OGA: variants seen among roughly 807,000 people sequenced by gnomAD.
OGA encodes the protein protein O-GlcNAcase.
In OGA, 21 loss-of-function variants were observed where a neutral mutation model predicts 102.0. The ratio of observed to expected loss-of-function variants is 0.21; its 90% CI spans 0.15 to 0.30. OGA has a LOEUF of 0.30. Among genes scored for constraint, OGA ranks in the 10% least tolerant of loss-of-function variants. The probability of loss-of-function intolerance (pLI) is 1.00; values close to 1 mark genes in which losing one functional copy is unlikely to be tolerated. For missense variants in OGA, 765 were observed against 1,107.8 expected (o/e 0.69, Z 4.39); for synonymous variants, 408 against 378.2 (o/e 1.08, Z -0.91).
chr10:101,796,280 A>G (rs2065315182), intron 10 of OGA, among the ~76,000 whole-genome samples: 1 of 152,030 alleles, frequency 6.6e-6, no homozygotes, highest in Admixed American at 6.6e-5. Context: ...CCAGCCCCAC[A>G]AGATGAAGTC....
rs1435563035 is a variant in OGA at position 101,799,218 on chromosome 10, T to C, written c.1433A>G (p.Lys478Arg). ...VVEKQEETDH[K>R]NDNQILSEIV... is the part of the protein sequence containing the mutation. ...TTCACTCAGTATTTGATTGTCATTC[T>C]TGTGGTCCGTTTCTTCTTGTTTTTC... Residue 478 changes from lysine to arginine, a missense_variant, in exon 9 of 16, where the codon AAG becomes AGG. By Grantham distance (26) the Lys-to-Arg change is conservative. Around this residue, in one of 7 missense-constraint regions of OGA, gnomAD observed 281 missense variants for 345.8 expected, o/e 0.81. Coordinates refer to ENST00000361464, the MANE Select transcript of OGA (RefSeq NM_012215.5). The C allele has an allele frequency of 3.1e-6, 5 of 1,614,132 alleles. No individual in the cohort carries two copies. In the African/African-American group the frequency reaches 4.0e-5, roughly 13 times the overall value.
intron 3 of OGA, 120 bp downstream of exon 3, chr10:101,812,910 G>A (rs1221576427): frequency 6.0e-6 from 5 of 837,894 alleles, no homozygotes; most frequent in African/African-American, 1.7e-5. Context: ...CCAGATAGAA[G>A]AAAAGGAAAC....
intron 7 of OGA, among the ~76,000 whole-genome samples, chr10:101,800,976 T>C (rs1257032394): frequency 1.3e-5 from 2 of 151,994 alleles, no homozygotes; most frequent in African/African-American, 4.8e-5. Flanking sequence ...GGTTTCACCA[T>C]GTTGGCCAGA....
chr10:101,792,749 G>A (rs2065273754), intron 12 of OGA, 90 bp downstream of exon 12: 1 of 876,282 alleles, frequency 1.1e-6, no homozygotes, highest in South Asian at 1.8e-5. Flanking sequence ...TTTTAAGACA[G>A]AAGGATTCCT....
At chr10:101,811,149 G>C (rs2065549470) in intron 3 of OGA, among the ~76,000 whole-genome samples, 1 of 151,962 alleles carries the variant, frequency 6.6e-6, no homozygotes, top group Non-Finnish European at 1.5e-5. Context: ...CAGGACTTTG[G>C]GAGGCCAGGC....
intron 4 of OGA, among the ~76,000 whole-genome samples, chr10:101,808,553 A>G (rs573635692): frequency 3.3e-5 from 5 of 152,362 alleles, no homozygotes; most frequent in African/African-American, 9.6e-5. Context: ...AAATAGTAAA[A>G]TAACTTCATT....
In OGA at chr10:101,794,137, T is replaced by C. The variant is rs569764398; in HGVS notation, c.1985-139A>G. 12 of 540,732 alleles carry C rather than the reference T, an allele frequency of 2.2e-5. No individual in the cohort carries two copies. The African/African-American group carries it at 2.3e-4, about 10-fold the overall frequency. 33.5% of individuals were successfully genotyped at this position (540,732 alleles called of 1,614,324 possible). On this transcript the variant is annotated intron_variant, in intron 10 of 15. Transcript: ENST00000361464. ...GGGTTTCAGGGCAAGGCTATGATAATAATTATTATTTTTTAAAATGTTAAC... is the reference window on the plus strand; with the variant it reads ...GGGTTTCAGGGCAAGGCTATGATAACAATTATTATTTTTTAAAATGTTAAC...
intron 14 of OGA, chr10:101,787,755 ACG>A: frequency 9.6e-6 from 4 of 416,166 alleles, no homozygotes; most frequent in East Asian, 4.1e-5. Context: ...CCTCGCGTGC[ACG>A]CGCTCTCTCT....
chr10:101,792,767 G>A, intron 12 of OGA, 72 bp downstream of exon 12: 2 of 1,046,266 alleles, frequency 1.9e-6, no homozygotes, highest in East Asian at 2.4e-5. Flanking sequence ...CCTTTAACCA[G>A]TGAGTTAAAA....
chr10:101,801,963 G>T (rs1217567922), intron 7 of OGA, among the ~76,000 whole-genome samples: 2 of 152,004 alleles, frequency 1.3e-5, no homozygotes, highest in African/African-American at 2.4e-5. Flanking sequence ...TGACCAACAT[G>T]GTGAAACCCT....
At chr10:101,815,354 A>G (rs1374467116) in intron 1 of OGA, among the ~76,000 whole-genome samples, 1 of 151,982 alleles carries the variant, frequency 6.6e-6, no homozygotes, top group African/African-American at 2.4e-5. Context: ...TCTCGGCTCA[A>G]TGCAATCTAC....
intron 3 of OGA, among the ~76,000 whole-genome samples, chr10:101,810,847 G>A (rs1171909578): frequency 6.6e-6 from 1 of 152,156 alleles, no homozygotes; most frequent in Non-Finnish European, 1.5e-5. Context: ...GGGATTACAG[G>A]CATACCCGGC....
chr10:101,796,691 C>T (rs2065320901), intron 10 of OGA, among the ~76,000 whole-genome samples: 1 of 152,128 alleles, frequency 6.6e-6, no homozygotes, highest in South Asian at 2.1e-4. Context: ...CTGCCTCAGC[C>T]TCTCAAGTAG....
At chr10:101,793,314 G>A (rs1479432917) in intron 11 of OGA, among the ~76,000 whole-genome samples, 2 of 152,186 alleles carry the variant, frequency 1.3e-5, no homozygotes, top group African/African-American at 4.8e-5. Context: ...CAGGAGGAGA[G>A]GTTTGGTCTG....
intron 12 of OGA, among the ~76,000 whole-genome samples, chr10:101,791,853 C>T (rs952375230): frequency 6.7e-6 from 1 of 148,882 alleles, no homozygotes; most frequent in South Asian, 2.1e-4. Context: ...TTTTTTGAGA[C>T]GGAGTCTCTG....
At chr10:101,801,217 C>G (rs1242479443) in intron 7 of OGA, among the ~76,000 whole-genome samples, 1 of 151,538 alleles carries the variant, frequency 6.6e-6, no homozygotes, top group East Asian at 1.9e-4. Context: ...ATGGTAAAAC[C>G]CCATCTCTAC....
intron 9 of OGA, 140 bp downstream of exon 9, chr10:101,798,702 T>C: frequency 8.9e-7 from 1 of 1,122,518 alleles, no homozygotes; most frequent in Admixed American, 2.8e-5. Flanking sequence ...GCATGAGCCA[T>C]CATAACCGGC....
Position 101,806,142 on chromosome 10 carries a change from T to C in OGA, c.654A>G (p.Glu218=). The C allele has an allele frequency of 6.4e-7, 1 of 1,573,756 alleles. No homozygotes were observed. The highest frequency in any genetic ancestry group is 8.7e-7 in the Non-Finnish European group (1 of 1,143,732). The part of the protein sequence containing the change: ...EPETFLFCPT[E]YCGTFCYPNV... ...TTGGATAACAGAAAGTGCCACAGTA[T>C]TCTAAATGTAGGGAGAAAAGTAAAA... is the stretch of plus-strand genomic sequence containing the variant. The change falls in exon 6 of 16, where the codon GAA becomes GAG. Residue 218 remains glutamate (E), a splice_region_variant and synonymous_variant. Coordinates refer to ENST00000361464, the MANE Select transcript of OGA (RefSeq NM_012215.5).
chr10:101,794,036 A>G (rs766282321), intron 10 of OGA, 38 bp from the exon 11 acceptor site: 2 of 1,488,214 alleles, frequency 1.3e-6, no homozygotes, highest in Non-Finnish European at 1.9e-6. Context: ...CGTTACGAGA[A>G]AGGGGATTTC....
Sources: allele counts gnomAD v4.1 joint callset (sites outside exome capture counted in the v4.1 genomes callset), GRCh38; gene constraint gnomAD v4.1.1; regional missense constraint gnomAD v4.1.1; transcripts MANE v1.5; gene names NCBI Gene and HGNC (gene_info 2026-07-23, HGNC 2026-07-21).